APBB2: variants seen among roughly 807,000 people sequenced by gnomAD.
The protein encoded by APBB2 is Fe65-like 1.
In APBB2, 38 loss-of-function variants were observed where a neutral mutation model predicts 82.5. The observed-to-expected ratio is 0.46, with a 90% confidence interval of 0.36 to 0.60. APBB2 has a LOEUF of 0.60. Ranked by LOEUF, APBB2 falls within the 20% of genes least tolerant of loss-of-function variation. The probability of loss-of-function intolerance (pLI) is 0.00; values close to 1 mark genes in which losing one functional copy is unlikely to be tolerated. For synonymous variants in APBB2, 341 were observed against 368.2 expected (o/e 0.93, Z 0.85); for missense variants, 772 against 972.3 (o/e 0.79, Z 2.74).
At chr4:40,905,572 G>A (rs1776489326) in intron 10 of APBB2, among the ~76,000 whole-genome samples, 2 of 152,218 alleles carry the variant, frequency 1.3e-5, no homozygotes, top group African/African-American at 4.8e-5. Flanking sequence ...TGCCTGCGAA[G>A]TCTATTCCTA....
chr4:40,819,719 C>T (rs1009023706), intron 17 of APBB2, among the ~76,000 whole-genome samples: 3 of 152,214 alleles, frequency 2.0e-5, no homozygotes, highest in African/African-American at 7.2e-5. Flanking sequence ...CAAGCTCCCC[C>T]TCACTGGCAA....
chr4:41,057,400 G>A (rs898349432), intron 4 of APBB2, among the ~76,000 whole-genome samples: 5 of 152,200 alleles, frequency 3.3e-5, no homozygotes, highest in Non-Finnish European at 7.3e-5. Flanking sequence ...ACAGTGAGCC[G>A]AGATAGCGCT....
intron 6 of APBB2, among the ~76,000 whole-genome samples, chr4:40,963,913 G>A (rs1199809602): frequency 2.0e-5 from 3 of 152,068 alleles, no homozygotes; most frequent in Non-Finnish European, 4.4e-5. Context: ...TATTACAGTG[G>A]GAAGTACCCA....
chr4:40,937,509 G>A (rs1463413425), intron 7 of APBB2, among the ~76,000 whole-genome samples: 1 of 152,154 alleles, frequency 6.6e-6, no homozygotes, highest in African/African-American at 2.4e-5. Flanking sequence ...GATGGCAAAT[G>A]TCCAACAATC....
At chr4:40,881,412 A>G (rs1768469704) in intron 12 of APBB2, 1 of 981,470 alleles carries the variant, frequency 1.0e-6, no homozygotes, top group Non-Finnish European at 1.2e-6. Context: ...CCACCTAATC[A>G]CTCCTAGGGA....
At chr4:41,162,834 G>A (rs1468328672) in intron 1 of APBB2, among the ~76,000 whole-genome samples, 2 of 152,156 alleles carry the variant, frequency 1.3e-5, no homozygotes, top group Non-Finnish European at 2.9e-5. Flanking sequence ...ACTCTAGCCT[G>A]GGCAACAGAG....
At chr4:41,053,824 T>C (rs1579603143) in intron 4 of APBB2, among the ~76,000 whole-genome samples, 1 of 152,356 alleles carries the variant, frequency 6.6e-6, no homozygotes, top group South Asian at 2.1e-4. Context: ...CCACAACTCA[T>C]CACTTTGAAC....
At chr4:41,040,440 C>T (rs551794465) in intron 4 of APBB2, among the ~76,000 whole-genome samples, 3 of 152,288 alleles carry the variant, frequency 2.0e-5, no homozygotes, top group South Asian at 4.1e-4. Context: ...AGGCATTGTG[C>T]TAAGTAGGTA....
chr4:40,865,021 G>A (rs1003603966), intron 12 of APBB2, among the ~76,000 whole-genome samples: 1 of 152,050 alleles, frequency 6.6e-6, no homozygotes, highest in Non-Finnish European at 1.5e-5. Context: ...ACCATGTCTA[G>A]CTAATTTTTG....
At chr4:41,162,932 G>C (rs1765560637) in intron 1 of APBB2, among the ~76,000 whole-genome samples, 1 of 152,228 alleles carries the variant, frequency 6.6e-6, no homozygotes. Flanking sequence ...AGGGCAAGGT[G>C]TGTGGAATAA....
chr4:40,851,732 ATATATATTTTT>A (rs1277624004), intron 12 of APBB2, among the ~76,000 whole-genome samples: 624 of 32,740 alleles, frequency 0.019, 9 homozygotes, highest in East Asian at 0.083. Context: ...ATATATATAT[ATATATATTTTT>A]TTTTTTTTTT....
chr4:40,836,329 T>C (rs3964289), intron 12 of APBB2, among the ~76,000 whole-genome samples: 31,127 of 151,978 alleles, frequency 0.2, 3,489 homozygotes, highest in African/African-American at 0.29. Context: ...ATACAAAAAT[T>C]AGGCGGGTGC....
chr4:41,017,286 A>G lies in APBB2; in HGVS notation c.20-2888T>C, dbSNP rs377117685. Among the ~76,000 whole-genome samples, 12 of 152,330 alleles carry G rather than the reference A, an allele frequency of 7.9e-5. No individual in the cohort carries two copies. In the East Asian group the frequency reaches 9.6e-4, roughly 12 times the overall value. ...AATGGTATCATGTGGAGGCAAAAGAAAAAGTTCAATTCTAGAGCTACGGCA... is the reference window on the plus strand; with the variant it reads ...AATGGTATCATGTGGAGGCAAAAGAGAAAGTTCAATTCTAGAGCTACGGCA... On this transcript the variant is annotated intron_variant, in intron 5 of 17. Coordinates refer to ENST00000508593, the MANE Select transcript of APBB2 (RefSeq NM_004307.2).
At chr4:40,998,583 A>C (rs750152485) in intron 6 of APBB2, among the ~76,000 whole-genome samples, 3 of 152,194 alleles carry the variant, frequency 2.0e-5, no homozygotes, top group Admixed American at 6.5e-5. Flanking sequence ...TTCTTTACCT[A>C]CTTCAACCAA....
In APBB2 at chr4:40,811,219, G is replaced by T. The variant is rs1182396317; in HGVS notation, c.*4873C>A. ...TCTTCTTTGAGAATCTTCTATGAAG[G>T]ACAGGATTATTTAAATACTTTGGTA... On this transcript the variant is annotated 3_prime_UTR_variant, in exon 18 of 18. Transcript: ENST00000508593. The T allele has an allele frequency of 6.6e-6, 1 of 152,116 alleles. No homozygotes were observed. Among genetic ancestry groups the T allele is most frequent in the Admixed American group, 6.5e-5 (1 of 15,274 alleles). 9.4% of individuals were successfully genotyped at this position (152,116 alleles called of 1,614,324 possible).
At chr4:40,947,785 A>G (rs1467589869) in intron 6 of APBB2, among the ~76,000 whole-genome samples, 1 of 152,200 alleles carries the variant, frequency 6.6e-6, no homozygotes, top group Non-Finnish European at 1.5e-5. Context: ...GTAGGCAGAT[A>G]CCATAACTGT....
rs143555162 is a variant in APBB2, at chr4:40,930,566, G to C, written c.1254+3890C>G. Among the ~76,000 whole-genome samples, 570 of 152,204 alleles carry C rather than the reference G, an allele frequency of 3.7e-3. 4 individuals are homozygous for C. Among genetic ancestry groups the C allele is most frequent in the Middle Eastern group, 0.027 (8 of 294 alleles). Reference sequence around the variant, plus strand: ...CAACTGATTAAGGTGCCCAGATTCAGAGTAGTAGCTGAAGAGGATTTGGAA... The same window carrying C: ...CAACTGATTAAGGTGCCCAGATTCACAGTAGTAGCTGAAGAGGATTTGGAA... On this transcript the variant is annotated intron_variant, in intron 10 of 17. Transcript: ENST00000508593.
At chr4:40,933,727 C>T (rs934233152) in intron 10 of APBB2, among the ~76,000 whole-genome samples, 11 of 152,200 alleles carry the variant, frequency 7.2e-5, no homozygotes, top group African/African-American at 1.4e-4. Flanking sequence ...CGCACAGGGA[C>T]GCTGGGAGGT....
At chr4:40,869,874 C>T (rs1455685150) in intron 12 of APBB2, among the ~76,000 whole-genome samples, 1 of 151,582 alleles carries the variant, frequency 6.6e-6, no homozygotes, top group Non-Finnish European at 1.5e-5. Context: ...CTATATATTC[C>T]TGTAGAAATA....
Sources: gnomAD v4.1 joint callset for allele counts (sites outside exome capture counted in the v4.1 genomes callset) on GRCh38, gnomAD v4.1.1 for gene constraint, MANE v1.5 for transcripts, NCBI Gene and HGNC (gene_info 2026-07-23, HGNC 2026-07-21) for gene names.